The following PATJ variants were observed in gnomAD, a reference collection of about 807,000 sequenced individuals.
PATJ encodes inaD-like protein.
PATJ carries 190 observed loss-of-function variants against 224.9 expected under a neutral mutation model. That is an observed-to-expected ratio of 0.84 (90% CI 0.75 to 0.95). PATJ has a LOEUF of 0.95. Among genes scored for constraint, PATJ ranks in the 40% least tolerant of loss-of-function variants. The pLI is 0.00. For synonymous variants in PATJ, 769 were observed against 820.3 expected, an observed-to-expected ratio of 0.94 and a Z score of 1.07; for missense variants, 2,121 against 2,270.3, an observed-to-expected ratio of 0.93 and a Z score of 1.34.
chr1:61,950,559 T>G (rs571490251), intron 27 of PATJ, among the ~76,000 whole-genome samples: 2 of 152,238 alleles, frequency 1.3e-5, no homozygotes, highest in Non-Finnish European at 2.9e-5. Context: ...TTGTGGACTC[T>G]GTAGTTGATC....
chr1:62,143,857 G>A (rs1667748463), intron 41 of PATJ, among the ~76,000 whole-genome samples: 1 of 152,126 alleles, frequency 6.6e-6, no homozygotes, highest in African/African-American at 2.4e-5. Context: ...CACCATGAGA[G>A]ATGAATGGAA....
At chr1:61,834,929 A>G (rs369221042) in intron 17 of PATJ, among the ~76,000 whole-genome samples, 112 of 152,214 alleles carry the variant, frequency 7.4e-4, no homozygotes, top group African/African-American at 2.5e-3. Flanking sequence ...GGTTTTCACC[A>G]TGTTGGCCAG....
intron 9 of PATJ, among the ~76,000 whole-genome samples, chr1:61,791,953 C>A (rs12064867): frequency 0.034 from 5,142 of 152,186 alleles, 270 homozygotes; most frequent in African/African-American, 0.11. Context: ...TCTCTCAACT[C>A]CTATCTGCAA....
chr1:61,864,345 G>A lies in PATJ; in HGVS notation c.2547G>A (p.Glu849=). Residue 849 remains glutamate (E), a synonymous_variant, in exon 20 of 44, where the codon GAG becomes GAA. Transcript: ENST00000642238. ...SQQKEIEQSK[E]AWEMHEFLTP... is the part of the protein sequence containing the mutation. ...AAAAAGAGATAGAGCAAAGCAAGGA[G>A]GCCTGGGAGATGCATGAATTTCTGA... 1.9e-6 allele frequency: 3 copies of A among 1,614,134 alleles called. No homozygotes were observed. The highest frequency in any genetic ancestry group is 2.5e-6 in the Non-Finnish European group (3 of 1,179,952).
At chr1:62,144,505 G>A (rs141868820) in intron 41 of PATJ, among the ~76,000 whole-genome samples, 185 of 152,226 alleles carry the variant, frequency 1.2e-3, no homozygotes, top group African/African-American at 4.2e-3. Flanking sequence ...TATTTGTGCA[G>A]TGAGAATTAT....
At chr1:61,984,180 AGGCAGAG>A (rs1644613416) in intron 27 of PATJ, among the ~76,000 whole-genome samples, 1 of 104,606 alleles carries the variant, frequency 9.6e-6, no homozygotes, top group African/African-American at 3.6e-5. Context: ...TTTTTTTTTG[AGGCAGAG>A]TGTTGCTCTG....
chr1:62,055,584 G>T lies in PATJ; in HGVS notation c.4125+4526G>T, dbSNP rs1654402983. On this transcript the variant is annotated intron_variant, in intron 31 of 43. Transcript: ENST00000642238. ...AGTACTACTTAATCCATACCAGAGT[G>T]CGCTGTAGTCACTGTCAAAGAGTGA... 2.6e-5 allele frequency among the ~76,000 whole-genome samples: 4 copies of T among 152,192 alleles called. No individual in the cohort carries two copies. In the South Asian group the frequency reaches 8.3e-4, roughly 32 times the overall value.
intron 22 of PATJ, among the ~76,000 whole-genome samples, chr1:61,895,869 G>A (rs72676237): frequency 0.022 from 3,375 of 152,294 alleles, 63 homozygotes; most frequent in Non-Finnish European, 0.033. Context: ...TCCAGCTTGT[G>A]AAAGCAGCCA....
At chr1:61,790,034 T>C (rs986947959) in intron 8 of PATJ, among the ~76,000 whole-genome samples, 2 of 151,776 alleles carry the variant, frequency 1.3e-5, no homozygotes, top group Non-Finnish European at 2.9e-5. Context: ...GTTTAAAAGA[T>C]GAGTATTGAA....
intron 27 of PATJ, among the ~76,000 whole-genome samples, chr1:61,970,342 A>G (rs1310054706): frequency 6.6e-6 from 1 of 151,990 alleles, no homozygotes; most frequent in Non-Finnish European, 1.5e-5. Flanking sequence ...CCTGCACCTG[A>G]GTACATCTGT....
At chr1:61,889,584 A>G (rs1367736014) in intron 22 of PATJ, among the ~76,000 whole-genome samples, 1 of 152,208 alleles carries the variant, frequency 6.6e-6, no homozygotes, top group Non-Finnish European at 1.5e-5. Context: ...GATTAACAAC[A>G]ATAACTGGTA....
At chr1:62,027,628 C>CT (rs57019359) in intron 29 of PATJ, among the ~76,000 whole-genome samples, 9,799 of 109,646 alleles carry the variant, frequency 0.089, 107 homozygotes, top group Non-Finnish European at 0.1. Flanking sequence ...GCCAACATTC[C>CT]TTTTTTTTTT....
intron 8 of PATJ, among the ~76,000 whole-genome samples, 184 bp downstream of exon 8, chr1:61,788,156 G>A (rs1648986959): frequency 6.6e-6 from 1 of 152,020 alleles, no homozygotes; most frequent in South Asian, 2.1e-4. Flanking sequence ...CTGTTTCTCA[G>A]GGTTAAGTCA....
intron 29 of PATJ, among the ~76,000 whole-genome samples, chr1:62,033,506 G>T (rs1423509610): frequency 6.6e-6 from 1 of 152,190 alleles, no homozygotes; most frequent in Non-Finnish European, 1.5e-5. Flanking sequence ...ATCTTTATAT[G>T]TCTCTTCTAA....
At chr1:61,761,766 G>A (rs1645985462) in intron 1 of PATJ, among the ~76,000 whole-genome samples, 1 of 151,610 alleles carries the variant, frequency 6.6e-6, no homozygotes, top group Non-Finnish European at 1.5e-5. Flanking sequence ...GCTCACTGCA[G>A]CCTCAACCTC....
rs755207648 is a variant in PATJ at position 61,901,272 on chromosome 1, C to T, written c.3204-10C>T. 6.7e-7 allele frequency: 1 copy of T among 1,495,906 alleles called. No individual in the cohort carries two copies. The highest frequency in any genetic ancestry group is 1.4e-5 in the South Asian group (1 of 72,488). The allele number at this position is 1,495,906 out of a possible 1,614,324, so 92.7% of individuals were successfully genotyped here. On this transcript the variant is annotated splice_polypyrimidine_tract_variant and intron_variant, in intron 23 of 43. Coordinates refer to ENST00000642238, the MANE Select transcript of PATJ (RefSeq NM_001350145.3). ...TTGATGAGTGAGTTTTGTTTTTTTC[C>T]TTTATATAGTGTTGAGATTTTTAGA...
chr1:62,027,581 C>CAACAATGT (rs1357510826), intron 29 of PATJ, among the ~76,000 whole-genome samples: 9 of 151,016 alleles, frequency 6.0e-5, no homozygotes, highest in Non-Finnish European at 1.3e-4. Flanking sequence ...ACATCCCTAC[C>CAACAATGT]AACAATGTAC....
chr1:62,115,160 A>G (rs913208644), intron 35 of PATJ, among the ~76,000 whole-genome samples: 31 of 152,198 alleles, frequency 2.0e-4, no homozygotes, highest in African/African-American at 7.5e-4. Flanking sequence ...AATACAAAAA[A>G]TTAGCCAGGC....
intron 31 of PATJ, among the ~76,000 whole-genome samples, chr1:62,078,522 G>A (rs1023327613): frequency 2.0e-5 from 3 of 152,042 alleles, no homozygotes; most frequent in African/African-American, 7.2e-5. Context: ...CTGATGTCAG[G>A]TGATCTGCCC....
Sources: gnomAD v4.1 joint callset for allele counts (sites outside exome capture counted in the v4.1 genomes callset) on GRCh38, gnomAD v4.1.1 for gene constraint, MANE v1.5 for transcripts, NCBI Gene and HGNC (gene_info 2026-07-23, HGNC 2026-07-21) for gene names.